DUSP3: variants seen among roughly 807,000 people sequenced by gnomAD.
DUSP3 encodes dual specificity phosphatase 3, also known as dual specificity protein phosphatase 3.
Under a neutral mutation model 15.5 loss-of-function variants are expected in DUSP3, and 7 were observed. The observed-to-expected ratio is 0.45, with a 90% confidence interval of 0.26 to 0.85. The LOEUF (loss-of-function observed/expected upper bound fraction) is 0.85, where lower values mean the gene tolerates loss of function less well. Among genes scored for constraint, DUSP3 ranks in the 40% least tolerant of loss-of-function variants. DUSP3 has a pLI of 0.18. For missense variants in DUSP3, 209 were observed against 251.7 expected, an observed-to-expected ratio of 0.83 and a Z score of 1.15; for synonymous variants, 86 against 104.2, an observed-to-expected ratio of 0.83 and a Z score of 1.07.
At position 43,770,646 on chromosome 17, in the gene DUSP3, C is replaced by T. The variant is rs569871040; in HGVS notation, c.353-832G>A. Among the ~76,000 whole-genome samples, 62 of 150,334 alleles carry T rather than the reference C, an allele frequency of 4.1e-4. 1 individual carries two copies. Among genetic ancestry groups the T allele is most frequent in the Non-Finnish European group, 6.5e-4 (44 of 67,704 alleles). On this transcript the variant is annotated intron_variant, in intron 2 of 2. Coordinates refer to ENST00000226004, the MANE Select transcript of DUSP3 (RefSeq NM_004090.4). ...TTGTGCTCCAGCCTGGGTGACAGAG[C>T]GAGACTCTGTCTCAAAAAAAAAAAG...
chr17:43,776,365 T>C (rs1974388524), intron 1 of DUSP3, among the ~76,000 whole-genome samples: 1 of 152,254 alleles, frequency 6.6e-6, no homozygotes, highest in Non-Finnish European at 1.5e-5. Context: ...AGGCCCCGTG[T>C]GCTGCTGGTG....
At position 43,769,418 on chromosome 17, in the gene DUSP3, C is replaced by A. The variant is rs1598299889; in HGVS notation, c.*191G>T. 2 of 606,716 alleles carry A rather than the reference C, an allele frequency of 3.3e-6. No homozygotes were observed. The highest frequency in any genetic ancestry group is 3.1e-5 in the East Asian group (1 of 32,766). 37.6% of individuals were successfully genotyped at this position (606,716 alleles called of 1,614,324 possible). A position where few individuals can be genotyped will look rare whatever the true frequency, so the allele number is the denominator to read the frequency against. Reference sequence around the variant, plus strand: ...GACAACTGGGGAGCAAGGACGCCCCCCTTGGCAAGCTTCTTTATGTGCTCC... The same window carrying A: ...GACAACTGGGGAGCAAGGACGCCCCACTTGGCAAGCTTCTTTATGTGCTCC... On this transcript the variant is annotated 3_prime_UTR_variant, in exon 3 of 3. Coordinates refer to ENST00000226004, the MANE Select transcript of DUSP3 (RefSeq NM_004090.4).
intron 2 of DUSP3, among the ~76,000 whole-genome samples, chr17:43,770,341 G>A (rs1974298959): frequency 6.6e-6 from 1 of 152,178 alleles, no homozygotes; most frequent in East Asian, 1.9e-4. Flanking sequence ...TAGGAAAGCG[G>A]GCAAAACCAT....
chr17:43,766,332 C>T lies in DUSP3; in HGVS notation c.*3277G>A, dbSNP rs1974241712. On this transcript the variant is annotated 3_prime_UTR_variant, in exon 3 of 3. Transcript: ENST00000226004. ...AACAAAAGTTAAGCTTCCAACGAAT[C>T]TGTTCTCTCAACCGGAAATGTCTTC... 1 of 152,202 alleles carries T rather than the reference C, an allele frequency of 6.6e-6. No homozygotes were observed. Among genetic ancestry groups the T allele is most frequent in the African/African-American group, 2.4e-5 (1 of 41,444 alleles). The allele number at this position is 152,202 out of a possible 1,614,324, so 9.4% of individuals were successfully genotyped here.
At chr17:43,771,212 C>T (rs1180068532) in intron 2 of DUSP3, among the ~76,000 whole-genome samples, 1 of 151,874 alleles carries the variant, frequency 6.6e-6, no homozygotes, top group African/African-American at 2.4e-5. Flanking sequence ...CTCCAGATGA[C>T]TTATGATACC....
At chr17:43,774,637 G>T in intron 2 of DUSP3, 75 bp downstream of exon 2, 1 of 1,502,140 alleles carries the variant, frequency 6.7e-7, no homozygotes, top group Non-Finnish European at 9.2e-7. Flanking sequence ...GAAGAGACCT[G>T]TTGTGGGCCT....
intron 2 of DUSP3, among the ~76,000 whole-genome samples, chr17:43,773,293 C>T (rs1974341267): frequency 6.6e-6 from 1 of 152,162 alleles, no homozygotes; most frequent in Admixed American, 6.5e-5. Context: ...GGGTCCCCTC[C>T]GCTGGGAGGG....
Position 43,778,640 on chromosome 17 carries a change from C to T in DUSP3, c.125+160G>A, listed in dbSNP as rs1974422262. Among the ~76,000 whole-genome samples the T allele has an allele frequency of 1.3e-5, 2 of 152,000 alleles. 1 individual carries two copies. The highest frequency in any genetic ancestry group is 4.8e-5 in the African/African-American group (2 of 41,418). On this transcript the variant is annotated intron_variant, in intron 1 of 2. Coordinates refer to ENST00000226004, the MANE Select transcript of DUSP3 (RefSeq NM_004090.4). ...CCTTGGCCCCACGCGCGGGGGTAGG[C>T]GTCGACTCCAGGCCCCTCCCAAGCC...
chr17:43,774,815 G>A lies in DUSP3; in HGVS notation c.249C>T (p.Ile83=). Residue 83 remains isoleucine (I), a synonymous_variant, in exon 2 of 3, where the codon ATC becomes ATT. Transcript: ENST00000226004. The part of the protein sequence containing the change: ...TNANFYKDSG[I]TYLGIKANDT... ...CGTTGGCCTTGATGCCCAGGTATGTGATGCCGGAGTCCTTGTAGAAGTTGG... is the reference window on the plus strand; with the variant it reads ...CGTTGGCCTTGATGCCCAGGTATGTAATGCCGGAGTCCTTGTAGAAGTTGG... 5 of 1,614,226 alleles carry A rather than the reference G, an allele frequency of 3.1e-6. No homozygotes were observed. Among genetic ancestry groups the A allele is most frequent in the Non-Finnish European group, 4.2e-6 (5 of 1,180,040 alleles).
intron 2 of DUSP3, among the ~76,000 whole-genome samples, chr17:43,771,781 G>A (rs536521001): frequency 1.3e-5 from 2 of 152,272 alleles, no homozygotes; most frequent in South Asian, 2.1e-4. Context: ...GGTCGAGGTG[G>A]GCGGATCCCC....
intron 2 of DUSP3, among the ~76,000 whole-genome samples, chr17:43,771,525 T>TAGA (rs59427840): frequency 0.24 from 37,129 of 151,820 alleles, 5,125 homozygotes; most frequent in African/African-American, 0.37. Context: ...ACAAGGTGGT[T>TAGA]AGATTAAAGG....
rs933324666 is a variant in DUSP3 at position 43,767,707 on chromosome 17, A to T, written c.*1902T>A. Reference sequence around the variant, plus strand: ...CTGTGCAGTGAGGTACCCAGTTTAGAGGATGGCCATTTCACTTAGGTGGGT... The same window carrying T: ...CTGTGCAGTGAGGTACCCAGTTTAGTGGATGGCCATTTCACTTAGGTGGGT... On this transcript the variant is annotated 3_prime_UTR_variant, in exon 3 of 3. Transcript: ENST00000226004. The T allele has an allele frequency of 6.6e-6, 1 of 152,280 alleles. No homozygotes were observed. The highest frequency in any genetic ancestry group is 1.5e-5 in the Non-Finnish European group (1 of 68,078). The allele number at this position is 152,280 out of a possible 1,614,324, so 9.4% of individuals were successfully genotyped here.
chr17:43,769,560 G>T lies in DUSP3; in HGVS notation c.*49C>A. The T allele has an allele frequency of 6.2e-7, 1 of 1,602,214 alleles. No individual in the cohort carries two copies. The highest frequency in any genetic ancestry group is 8.5e-7 in the Non-Finnish European group (1 of 1,174,234). On this transcript the variant is annotated 3_prime_UTR_variant, in exon 3 of 3. Coordinates refer to ENST00000226004, the MANE Select transcript of DUSP3 (RefSeq NM_004090.4). Reference sequence around the variant, plus strand: ...AAACATGGCAGCTCGGGACACCTTTGCCCACGGCCTCCCCCACGGACCTCT... The same window carrying T: ...AAACATGGCAGCTCGGGACACCTTTTCCCACGGCCTCCCCCACGGACCTCT...
intron 1 of DUSP3, among the ~76,000 whole-genome samples, chr17:43,775,921 G>A (rs1974382002): frequency 6.6e-6 from 1 of 152,136 alleles, no homozygotes; most frequent in African/African-American, 2.4e-5. Flanking sequence ...GACCAGCCTG[G>A]CCAACATGGT....
At position 43,769,253 on chromosome 17, in the gene DUSP3, A is replaced by C. The variant is rs1227020950; in HGVS notation, c.*356T>G. ...ATTCGGGAGTTGGGGAAGGGAGGTC[A>C]TGAGGGACCTCTGTGAGCATCTTAG... is the stretch of plus-strand genomic sequence containing the variant. On this transcript the variant is annotated 3_prime_UTR_variant, in exon 3 of 3. Transcript: ENST00000226004. 3.9e-6 allele frequency: 1 copy of C among 257,834 alleles called. No homozygotes were observed. Among genetic ancestry groups the C allele is most frequent in the Non-Finnish European group, 7.5e-6 (1 of 134,188 alleles). 16.0% of individuals were successfully genotyped at this position (257,834 alleles called of 1,614,324 possible).
intron 2 of DUSP3, among the ~76,000 whole-genome samples, chr17:43,772,670 A>G (rs1250845651): frequency 1.3e-5 from 2 of 152,220 alleles, no homozygotes; most frequent in African/African-American, 4.8e-5. Flanking sequence ...GGAATTCTTC[A>G]TCACTTGCTC....
intron 1 of DUSP3, among the ~76,000 whole-genome samples, chr17:43,776,743 G>A (rs1974392680): frequency 6.6e-6 from 1 of 152,200 alleles, no homozygotes; most frequent in South Asian, 2.1e-4. Flanking sequence ...GGGAAGTGAT[G>A]ACAGCTGAAT....
rs1974283007 is a variant in DUSP3, at chr17:43,769,447, G to C, written c.*162C>G. On this transcript the variant is annotated 3_prime_UTR_variant, in exon 3 of 3. Coordinates refer to ENST00000226004, the MANE Select transcript of DUSP3 (RefSeq NM_004090.4). ...GGCAAGCTTCTTTATGTGCTCCCCA[G>C]GGTGGGGAAAGTGGCCCAGGACTGT... 5.3e-6 allele frequency: 4 copies of C among 753,362 alleles called. No homozygotes were observed. In the East Asian group the frequency reaches 1.2e-4, roughly 22 times the overall value. The allele number at this position is 753,362 out of a possible 1,614,324, so 46.7% of individuals were successfully genotyped here.
intron 2 of DUSP3, 106 bp from the exon 3 acceptor site, chr17:43,769,920 A>T: frequency 1.6e-6 from 2 of 1,227,844 alleles, no homozygotes; most frequent in South Asian, 2.7e-5. Context: ...ATGTCACGCC[A>T]CTGTGTGCCT....
Sources: allele counts gnomAD v4.1 joint callset (sites outside exome capture counted in the v4.1 genomes callset), GRCh38; gene constraint gnomAD v4.1.1; transcripts MANE v1.5; gene names NCBI Gene and HGNC (gene_info 2026-07-23, HGNC 2026-07-21).